The following OPCML variants were observed in gnomAD, a reference collection of about 807,000 sequenced individuals.
The protein encoded by OPCML is opioid binding protein/cell adhesion molecule like, also known as opioid-binding protein/cell adhesion molecule.
Under a neutral mutation model 37.8 loss-of-function variants are expected in OPCML, and 13 were observed. The observed-to-expected ratio is 0.34, with a 90% CI of 0.22 to 0.55. The LOEUF is 0.55. Ranked by LOEUF, OPCML falls within the 20% of genes least tolerant of loss-of-function variation. The pLI, the probability that OPCML is intolerant of heterozygous loss-of-function variation, is 0.91. For synonymous variants in OPCML, 176 were observed against 168.8 expected, an observed-to-expected ratio of 1.04 and a Z score of -0.33; for missense variants, 341 against 435.6, an observed-to-expected ratio of 0.78 and a Z score of 1.93.
intron 4 of OPCML, among the ~76,000 whole-genome samples, chr11:132,442,687 G>T (rs551799000): frequency 6.6e-6 from 1 of 152,194 alleles, no homozygotes; most frequent in East Asian, 1.9e-4. Context: ...AATCATGGGC[G>T]CAGTTCCCCC....
At chr11:132,573,772 G>A (rs986658293) in intron 3 of OPCML, among the ~76,000 whole-genome samples, 8 of 151,862 alleles carry the variant, frequency 5.3e-5, no homozygotes, top group South Asian at 2.1e-4. Context: ...GTGTTTCCTC[G>A]TTTTAATTTT....
chr11:133,531,534 C>T (rs936233795), intron 1 of OPCML, among the ~76,000 whole-genome samples: 3 of 152,004 alleles, frequency 2.0e-5, no homozygotes, highest in African/African-American at 7.3e-5. Flanking sequence ...GAGAGGATTC[C>T]GAATTTCAAG....
Position 132,436,717 on chromosome 11 carries a change from T to A in OPCML, c.706A>T (p.Ser236Cys). 6.2e-7 allele frequency: 1 copy of A among 1,614,144 alleles called. No homozygotes were observed. The highest frequency in any genetic ancestry group is 8.5e-7 in the Non-Finnish European group (1 of 1,180,052). The change falls in exon 6 of 8, where the codon AGC becomes TGC. Residue 236 changes from serine to cysteine, a missense_variant. Physicochemically the swap from Ser to Cys is moderately radical, Grantham distance 112. Coordinates refer to ENST00000524381, the MANE Select transcript of OPCML (RefSeq NM_001012393.5). ...GVSVGQKGIL[S>C]CEASAVPMAE... is the part of the protein sequence containing the mutation. Reference sequence around the variant, plus strand: ...ATGGGGACTGCAGAGGCTTCACAGCTCAGGATGCCCTTCTGACCGACTGAA... The same window carrying A: ...ATGGGGACTGCAGAGGCTTCACAGCACAGGATGCCCTTCTGACCGACTGAA...
intron 1 of OPCML, among the ~76,000 whole-genome samples, chr11:133,092,346 T>G (rs1257223685): frequency 6.6e-6 from 1 of 152,310 alleles, no homozygotes; most frequent in South Asian, 2.1e-4. Flanking sequence ...GCTGGGCATC[T>G]AATACAAGGT....
At chr11:132,483,585 C>A (rs1013798130) in intron 4 of OPCML, among the ~76,000 whole-genome samples, 37 of 152,190 alleles carry the variant, frequency 2.4e-4, no homozygotes, top group Admixed American at 1.8e-3. Context: ...TCATATGGAA[C>A]CAAAAAAGAG....
intron 1 of OPCML, among the ~76,000 whole-genome samples, chr11:133,000,238 G>T (rs909266379): frequency 1.3e-5 from 2 of 151,882 alleles, no homozygotes. Context: ...TCAGCCTCCC[G>T]AGTAGCTGGG....
chr11:133,496,361 T>G (rs1484170007), intron 1 of OPCML, among the ~76,000 whole-genome samples: 1 of 152,226 alleles, frequency 6.6e-6, no homozygotes, highest in African/African-American at 2.4e-5. Context: ...CCTTCTTGCT[T>G]AATCTTGCTT....
rs140497815 is a variant in OPCML at position 133,463,453 on chromosome 11, A to G, written c.61+68811T>C. 2.1e-3 allele frequency among the ~76,000 whole-genome samples: 317 copies of G among 152,302 alleles called. 3 individuals carry two copies. The highest frequency in any genetic ancestry group is 7.2e-3 in the African/African-American group (300 of 41,562). Reference sequence around the variant, plus strand: ...AAATGGTTATTTTAAAAAGACAATAACAACATTATTTTAAGGGCTTTTGAT... The same window carrying G: ...AAATGGTTATTTTAAAAAGACAATAGCAACATTATTTTAAGGGCTTTTGAT... On this transcript the variant is annotated intron_variant, in intron 1 of 7. Coordinates refer to ENST00000524381, the MANE Select transcript of OPCML (RefSeq NM_001012393.5).
At chr11:133,150,495 G>A (rs953379502) in intron 1 of OPCML, among the ~76,000 whole-genome samples, 9 of 152,146 alleles carry the variant, frequency 5.9e-5, no homozygotes, top group Admixed American at 3.3e-4. Context: ...AGGAATTTGA[G>A]CCCATGGCTG....
At chr11:133,148,604 G>C (rs540394597) in intron 1 of OPCML, among the ~76,000 whole-genome samples, 1 of 152,118 alleles carries the variant, frequency 6.6e-6, no homozygotes, top group Non-Finnish European at 1.5e-5. Flanking sequence ...TTCATTGCTC[G>C]CTCCATCCCA....
intron 2 of OPCML, among the ~76,000 whole-genome samples, chr11:132,906,757 C>T (rs1471181454): frequency 6.6e-6 from 1 of 152,188 alleles, no homozygotes; most frequent in Non-Finnish European, 1.5e-5. Context: ...AAGGAACAGG[C>T]TGCCTCTTTT....
intron 1 of OPCML, among the ~76,000 whole-genome samples, chr11:133,404,115 A>G (rs1324633987): frequency 1.3e-5 from 2 of 151,224 alleles, no homozygotes; most frequent in Admixed American, 1.3e-4. Context: ...TTGCAGACAC[A>G]TGGCTCCAAT....
At chr11:133,116,366 A>G (rs988617878) in intron 1 of OPCML, among the ~76,000 whole-genome samples, 7 of 152,190 alleles carry the variant, frequency 4.6e-5, no homozygotes, top group African/African-American at 1.4e-4. Context: ...ATGCAAATCA[A>G]TTTCTCAGTA....
At chr11:133,397,558 A>G (rs944561603) in intron 1 of OPCML, among the ~76,000 whole-genome samples, 19 of 152,248 alleles carry the variant, frequency 1.2e-4, no homozygotes, top group Non-Finnish European at 2.8e-4. Flanking sequence ...TGTCCCAGGT[A>G]CCTGAGTTGA....
intron 1 of OPCML, among the ~76,000 whole-genome samples, chr11:133,305,769 T>A (rs562552442): frequency 6.6e-6 from 1 of 152,238 alleles, no homozygotes; most frequent in East Asian, 1.9e-4. Context: ...AGAGCAGAAG[T>A]CTTTTTCTGT....
intron 2 of OPCML, among the ~76,000 whole-genome samples, chr11:132,906,308 C>T (rs1944239334): frequency 6.6e-6 from 1 of 152,166 alleles, no homozygotes. Context: ...ATGTTCTACT[C>T]AATTTTTAAA....
At chr11:133,242,228 C>T (rs544058440) in intron 1 of OPCML, among the ~76,000 whole-genome samples, 7 of 152,186 alleles carry the variant, frequency 4.6e-5, no homozygotes, top group South Asian at 4.2e-4. Flanking sequence ...GAGAATGATA[C>T]GATTACCACA....
At chr11:133,203,496 G>A (rs7937470) in intron 1 of OPCML, among the ~76,000 whole-genome samples, 20,120 of 152,176 alleles carry the variant, frequency 0.13, 1,613 homozygotes, top group African/African-American at 0.21. Flanking sequence ...GTCAGTGTTC[G>A]CCTCGGAGGC....
rs374765589 is a variant in OPCML at position 132,520,132 on chromosome 11, C to T, written c.505+8929G>A. ...AAGGTAGGTGTGGACTTAGGAAAGG[C>T]AAGGCAAGAGTATGGGTGATGTTCA... On this transcript the variant is annotated intron_variant, in intron 4 of 7. Transcript: ENST00000524381. 5.9e-5 allele frequency among the ~76,000 whole-genome samples: 9 copies of T among 152,228 alleles called. No individual in the cohort carries two copies. The South Asian group carries it at 1.7e-3, about 28-fold the overall frequency.
Sources: allele counts gnomAD v4.1 joint callset (sites outside exome capture counted in the v4.1 genomes callset), GRCh38; gene constraint gnomAD v4.1.1; transcripts MANE v1.5; gene names NCBI Gene and HGNC (gene_info 2026-07-23, HGNC 2026-07-21).